MEF2C: variants seen among roughly 807,000 people sequenced by gnomAD.
MEF2C encodes the protein myocyte enhancer factor 2C, also known as myocyte-specific enhancer factor 2C.
MEF2C carries 6 observed loss-of-function variants against 50.5 expected under a neutral mutation model. The ratio of observed to expected loss-of-function variants is 0.12; its 90% CI spans 0.07 to 0.23. The LOEUF (loss-of-function observed/expected upper bound fraction) is 0.23. MEF2C is among the 10% of genes least tolerant of loss of function. MEF2C has a pLI of 1.00. For missense variants in MEF2C, 276 were observed against 605.0 expected, an observed-to-expected ratio of 0.46 and a Z score of 5.70; for synonymous variants, 183 against 228.0, an observed-to-expected ratio of 0.80 and a Z score of 1.78.
intron 1 of MEF2C, among the ~76,000 whole-genome samples, chr5:88,851,642 G>A (rs1186087609): frequency 1.3e-5 from 2 of 151,798 alleles, no homozygotes; most frequent in African/African-American, 2.4e-5. Context: ...GGTTCTATAC[G>A]CTACTATTCG....
intron 2 of MEF2C, among the ~76,000 whole-genome samples, chr5:88,806,585 A>G (rs1166625022): frequency 6.6e-6 from 1 of 152,192 alleles, no homozygotes; most frequent in Non-Finnish European, 1.5e-5. Context: ...ACTGTGGACT[A>G]GCAGACAGAA....
chr5:88,742,638 A>G, intron 6 of MEF2C: 1 of 985,372 alleles, frequency 1.0e-6, no homozygotes, highest in Non-Finnish European at 1.2e-6. Context: ...TCTGGAAATC[A>G]AACTCCTTAA....
At chr5:88,869,230 G>A (rs1009636061) in intron 1 of MEF2C, among the ~76,000 whole-genome samples, 1 of 109,726 alleles carries the variant, frequency 9.1e-6, no homozygotes, top group Non-Finnish European at 1.9e-5. Flanking sequence ...TTTTTCCTAG[G>A]CAGAAATCTA....
At chr5:88,824,279 T>G in intron 1 of MEF2C, 1 of 985,188 alleles carries the variant, frequency 1.0e-6, no homozygotes, top group Non-Finnish European at 1.2e-6. Flanking sequence ...AAAAATTACC[T>G]AAATCAGAGA....
At chr5:88,867,353 A>T (rs1267248997) in intron 1 of MEF2C, among the ~76,000 whole-genome samples, 1 of 152,182 alleles carries the variant, frequency 6.6e-6, no homozygotes. Flanking sequence ...CTTAATAAGA[A>T]GAGAGTGGAC....
At chr5:88,837,625 G>A (rs1246693974) in intron 1 of MEF2C, among the ~76,000 whole-genome samples, 3 of 151,900 alleles carry the variant, frequency 2.0e-5, no homozygotes, top group Non-Finnish European at 2.9e-5. Flanking sequence ...ATTCAATAAA[G>A]GAGGAAAACA....
chr5:88,734,561 G>GTTTTTTTTTTTTTTTTTTTTTTTTTTTT (rs1554103551), intron 6 of MEF2C: 1 of 244,240 alleles, frequency 4.1e-6, no homozygotes. Flanking sequence ...CTTGAGAAAA[G>GTTTTTTTTTTTTTTTTTTTTTTTTTTTT]TTTGTTTTTT....
At chr5:88,739,868 G>A (rs1222929280) in intron 6 of MEF2C, 2 of 985,146 alleles carry the variant, frequency 2.0e-6, no homozygotes, top group Non-Finnish European at 2.4e-6. Context: ...GGGCAAATCA[G>A]ATTTCTGATT....
intron 3 of MEF2C, among the ~76,000 whole-genome samples, chr5:88,765,219 A>G (rs1561899337): frequency 6.6e-6 from 1 of 152,252 alleles, no homozygotes; most frequent in Non-Finnish European, 1.5e-5. Flanking sequence ...GAGATATACA[A>G]ACACAAAGCT....
At chr5:88,855,739 G>C (rs567830920) in intron 1 of MEF2C, among the ~76,000 whole-genome samples, 1 of 152,196 alleles carries the variant, frequency 6.6e-6, no homozygotes, top group Non-Finnish European at 1.5e-5. Flanking sequence ...GCCCTGTGAA[G>C]AGGTGCCTTC....
chr5:88,752,005 G>C lies in MEF2C; in HGVS notation c.441C>G (p.Ile147Met). ...PPPNFEMPVS[I>M]PVSSHNSLVY... Reference sequence around the variant, plus strand: ...CCAAACTGTTGTGGCTGGACACTGGGATGGAGACTGGCATCTCGAAGTTGG... The same window carrying C: ...CCAAACTGTTGTGGCTGGACACTGGCATGGAGACTGGCATCTCGAAGTTGG... The change falls in exon 5 of 11, where the codon ATC (isoleucine) becomes ATG (methionine). Residue 147 changes from isoleucine to methionine, a missense_variant. Physicochemically the swap from Ile to Met is conservative, Grantham distance 10. This residue lies in a region of MEF2C where 256 missense variants were observed against 468.1 expected (regional missense o/e 0.55). Coordinates refer to ENST00000504921, the MANE Select transcript of MEF2C (RefSeq NM_002397.5). 1 of 1,612,260 alleles carries C rather than the reference G, an allele frequency of 6.2e-7. No individual in the cohort carries two copies. Among genetic ancestry groups the C allele is most frequent in the Non-Finnish European group, 8.5e-7 (1 of 1,178,794 alleles).
intron 1 of MEF2C, among the ~76,000 whole-genome samples, chr5:88,894,035 T>C (rs907857755): frequency 3.3e-5 from 5 of 152,228 alleles, no homozygotes; most frequent in African/African-American, 1.2e-4. Context: ...AAAATAATAC[T>C]ATCTTATTAG....
At chr5:88,728,226 T>A (rs955125965) in intron 10 of MEF2C, among the ~76,000 whole-genome samples, 9 of 152,038 alleles carry the variant, frequency 5.9e-5, no homozygotes, top group Non-Finnish European at 1.2e-4. Context: ...AAATAAAAAT[T>A]ATATCACTGA....
chr5:88,829,857 C>A (rs910462981), intron 1 of MEF2C, among the ~76,000 whole-genome samples: 1 of 151,916 alleles, frequency 6.6e-6, no homozygotes. Context: ...GGAAAAAAAT[C>A]TTCATTTGTA....
intron 9 of MEF2C, 83 bp downstream of exon 9, chr5:88,729,135 A>G: frequency 2.6e-6 from 4 of 1,542,972 alleles, no homozygotes; most frequent in South Asian, 1.2e-5. Flanking sequence ...AAAGCTTCCT[A>G]ATAGAGTAAA....
At chr5:88,805,405 A>G (rs1289537105) in intron 2 of MEF2C, among the ~76,000 whole-genome samples, 1 of 152,174 alleles carries the variant, frequency 6.6e-6, no homozygotes, top group Non-Finnish European at 1.5e-5. Flanking sequence ...TTCTTCTCTC[A>G]GGTCAGAAAC....
intron 5 of MEF2C, 190 bp from the exon 6 acceptor site, chr5:88,749,307 T>A: frequency 1.0e-6 from 1 of 970,062 alleles, no homozygotes; most frequent in Non-Finnish European, 1.2e-6. Context: ...ATACATTCAA[T>A]CACTGACATT....
intron 3 of MEF2C, among the ~76,000 whole-genome samples, chr5:88,774,716 G>A (rs1404167714): frequency 6.6e-6 from 1 of 152,150 alleles, no homozygotes; most frequent in Non-Finnish European, 1.5e-5. Context: ...ATAATAAGTG[G>A]TGGATTTTAC....
intron 1 of MEF2C, among the ~76,000 whole-genome samples, chr5:88,857,400 T>C (rs544884195): frequency 1.3e-5 from 2 of 152,350 alleles, no homozygotes; most frequent in South Asian, 2.1e-4. Flanking sequence ...GATGAGACTT[T>C]GGATTTCGAC....
Sources: gnomAD v4.1 joint callset for allele counts (sites outside exome capture counted in the v4.1 genomes callset) on GRCh38, gnomAD v4.1.1 for gene constraint, gnomAD v4.1.1 regional missense constraint, MANE v1.5 for transcripts, NCBI Gene and HGNC (gene_info 2026-07-23, HGNC 2026-07-21) for gene names.